Variants in PTPRB observed in about 807,000 individuals in gnomAD.
PTPRB encodes protein tyrosine phosphatase receptor type B.
Under a neutral mutation model 238.1 loss-of-function variants are expected in PTPRB, and 97 were observed. That is an observed-to-expected ratio of 0.41 (90% CI 0.35 to 0.48). The LOEUF (loss-of-function observed/expected upper bound fraction) is 0.48. Ranked by LOEUF, PTPRB falls within the 20% of genes least tolerant of loss-of-function variation. The pLI is 0.30. For missense variants in PTPRB, 2,292 were observed against 2,681.9 expected, an observed-to-expected ratio of 0.85 and a Z score of 3.21; for synonymous variants, 970 against 995.4, an observed-to-expected ratio of 0.97 and a Z score of 0.48.
chr12:70,584,519 C>T (rs1263739202), intron 9 of PTPRB, among the ~76,000 whole-genome samples: 1 of 152,090 alleles, frequency 6.6e-6, no homozygotes, highest in Non-Finnish European at 1.5e-5. Context: ...CAAACAGACT[C>T]ATAGAGAAAT....
chr12:70,635,490 A>G (rs1465336664), intron 2 of PTPRB, among the ~76,000 whole-genome samples, 181 bp downstream of exon 2: 1 of 152,180 alleles, frequency 6.6e-6, no homozygotes, highest in African/African-American at 2.4e-5. Flanking sequence ...AGGGTCATGA[A>G]GTTTTCCATC....
rs74349667 is a variant in PTPRB, at chr12:70,571,022, T to C, written c.3370+4A>G. ...TCAGGTTCAAGAACAGTATTTCACA[T>C]TACCTGTGAAGCCCTCAATGAAGGC... On this transcript the variant is annotated splice_donor_region_variant and intron_variant, in intron 13 of 33. Transcript: ENST00000334414. The C allele has an allele frequency of 4.3e-3, 6,921 of 1,613,568 alleles. 268 individuals are homozygous for C. In the African/African-American group the frequency reaches 0.081, roughly 19 times the overall value.
At chr12:70,534,793 C>T (rs1460994496) in intron 30 of PTPRB, 40 bp downstream of exon 30, 1 of 1,607,852 alleles carries the variant, frequency 6.2e-7, no homozygotes. Flanking sequence ...TCTCATTCAT[C>T]TCCCCAAGCT....
intron 7 of PTPRB, chr12:70,591,733 T>G (rs1882504971): frequency 1.3e-5 from 2 of 153,082 alleles, no homozygotes; most frequent in African/African-American, 4.8e-5. Flanking sequence ...TTTCCTTATT[T>G]GTTTGTACAA....
At chr12:70,600,697 C>T (rs571476234) in intron 4 of PTPRB, among the ~76,000 whole-genome samples, 1 of 152,096 alleles carries the variant, frequency 6.6e-6, no homozygotes, top group South Asian at 2.1e-4. Context: ...TTCTAAGTGT[C>T]TTCCTTATTT....
chr12:70,576,451 G>A lies in PTPRB; in HGVS notation c.2773C>T (p.Leu925Phe). Residue 925 changes from leucine to phenylalanine, a missense_variant, in exon 11 of 34, where the codon CTC becomes TTC. Transcript: ENST00000334414. ...CTTGTAGTTATGGTCACGGTGTAGA[G>A]GCGGCCTGGGGTGAGGGAGCTGAAG... ...CSFSSLTPGR[L>F]YTVTITTRSG... is the part of the protein sequence containing the mutation. 6.2e-7 allele frequency: 1 copy of A among 1,603,452 alleles called. No individual in the cohort carries two copies.
intron 15 of PTPRB, among the ~76,000 whole-genome samples, chr12:70,564,867 TAA>T (rs1879060160): frequency 1.9e-5 from 2 of 106,850 alleles, no homozygotes; most frequent in Non-Finnish European, 3.8e-5. Flanking sequence ...ATAATAATAA[TAA>T]TAATAATAAT....
At chr12:70,575,325 T>C (rs1212379055) in intron 11 of PTPRB, among the ~76,000 whole-genome samples, 6 of 152,138 alleles carry the variant, frequency 3.9e-5, no homozygotes, top group Non-Finnish European at 8.8e-5. Context: ...CCTGTAACAA[T>C]ATAAATCAGA....
At chr12:70,634,170 T>A (rs1200121315) in intron 2 of PTPRB, among the ~76,000 whole-genome samples, 1 of 152,188 alleles carries the variant, frequency 6.6e-6, no homozygotes, top group Non-Finnish European at 1.5e-5. Flanking sequence ...TGGCATCTAG[T>A]TAAATGCTTG....
chr12:70,523,401 A>T (rs904078148), intron 33 of PTPRB, among the ~76,000 whole-genome samples: 2 of 150,390 alleles, frequency 1.3e-5, no homozygotes, highest in African/African-American at 2.4e-5. Context: ...TTCATGCATA[A>T]TTTTTTTTTT....
chr12:70,599,192 A>G (rs1451614534), intron 4 of PTPRB, among the ~76,000 whole-genome samples: 2 of 152,192 alleles, frequency 1.3e-5, no homozygotes, highest in Non-Finnish European at 2.9e-5. Flanking sequence ...TGCACATTTC[A>G]TATAATATGA....
At chr12:70,524,386 A>G in intron 33 of PTPRB, 85 bp downstream of exon 33, 1 of 1,408,950 alleles carries the variant, frequency 7.1e-7, no homozygotes, top group East Asian at 2.6e-5. Context: ...AAGTGCTGGG[A>G]TTACAGGTGT....
At chr12:70,625,445 A>G (rs1043195972) in intron 2 of PTPRB, among the ~76,000 whole-genome samples, 6 of 152,180 alleles carry the variant, frequency 3.9e-5, no homozygotes, top group Non-Finnish European at 5.9e-5. Flanking sequence ...CATATACATA[A>G]TATGAACCAA....
chr12:70,546,770 T>A (rs1876031047), intron 21 of PTPRB, among the ~76,000 whole-genome samples: 1 of 151,480 alleles, frequency 6.6e-6, no homozygotes, highest in Non-Finnish European at 1.5e-5. Context: ...AAGATGGGAG[T>A]GGGATTCTAG....
chr12:70,568,204 G>A (rs1451735222), intron 14 of PTPRB, among the ~76,000 whole-genome samples: 1 of 151,948 alleles, frequency 6.6e-6, no homozygotes, highest in African/African-American at 2.4e-5. Flanking sequence ...TTCTTAGCAC[G>A]TACCATGTTT....
In PTPRB at chr12:70,539,710, TAATTAAAAATGA is replaced by T. The variant is rs748814090; in HGVS notation, c.5697-16_5697-5del. On this transcript the variant is annotated splice_polypyrimidine_tract_variant and splice_region_variant and intron_variant, in intron 25 of 33. Coordinates refer to ENST00000334414, the MANE Select transcript of PTPRB (RefSeq NM_001109754.4). The stretch of plus-strand genomic sequence containing the variant: ...AAACTGATTTATTTTTATTGGACTG[TAATTAAAAATGA>T]AACAAACAGAAAAGAGTTACTGCAG... The T allele has an allele frequency of 4.4e-6, 7 of 1,603,732 alleles. No individual in the cohort carries two copies. In the East Asian group the frequency reaches 1.6e-4, roughly 36 times the overall value.
intron 15 of PTPRB, among the ~76,000 whole-genome samples, chr12:70,564,506 G>A (rs1878968784): frequency 7.1e-6 from 1 of 139,950 alleles, no homozygotes; most frequent in South Asian, 2.3e-4. Context: ...GCAACAGAGG[G>A]AGACTCCATC....
chr12:70,566,352 C>G, intron 15 of PTPRB, 83 bp downstream of exon 15: 1 of 1,472,580 alleles, frequency 6.8e-7, no homozygotes, highest in Non-Finnish European at 9.1e-7. Flanking sequence ...CCCAATGTTG[C>G]TTCATCCCTC....
chr12:70,591,713 T>C (rs1882503500), intron 7 of PTPRB: 3 of 153,082 alleles, frequency 2.0e-5, no homozygotes, highest in African/African-American at 4.8e-5. Flanking sequence ...TCTCATCTTT[T>C]TCTTGTTTGT....
Sources: gnomAD v4.1 joint callset for allele counts (sites outside exome capture counted in the v4.1 genomes callset) on GRCh38, gnomAD v4.1.1 for gene constraint, MANE v1.5 for transcripts, NCBI Gene and HGNC (gene_info 2026-07-23, HGNC 2026-07-21) for gene names.